The following CHD6 variants were observed in gnomAD, a reference collection of about 807,000 sequenced individuals.
CHD6 encodes the protein chromodomain helicase DNA binding protein 6.
In CHD6, 50 loss-of-function variants were observed where a neutral mutation model predicts 276.9. The ratio of observed to expected loss-of-function variants is 0.18; its 90% CI spans 0.14 to 0.23. The LOEUF (loss-of-function observed/expected upper bound fraction) is 0.23, where lower values mean the gene tolerates loss of function less well. CHD6 is among the 10% of genes least tolerant of loss of function. The pLI is 1.00. For synonymous variants in CHD6, 1,173 were observed against 1,229.3 expected, an observed-to-expected ratio of 0.95 and a Z score of 0.96; for missense variants, 2,564 against 3,365.8, an observed-to-expected ratio of 0.76 and a Z score of 5.89.
At chr20:41,525,843 T>C (rs2044519533) in intron 3 of CHD6, among the ~76,000 whole-genome samples, 1 of 152,224 alleles carries the variant, frequency 6.6e-6, no homozygotes, top group Non-Finnish European at 1.5e-5. Flanking sequence ...TATGCAGTTA[T>C]ATCAGGTTTT....
At chr20:41,530,617 T>C (rs190117457) in intron 3 of CHD6, among the ~76,000 whole-genome samples, 22 of 152,252 alleles carry the variant, frequency 1.4e-4, no homozygotes, top group Admixed American at 7.2e-4. Flanking sequence ...ATATGTAAAA[T>C]TGCTTCTGCC....
chr20:41,409,768 T>C (rs1223613338), intron 36 of CHD6, among the ~76,000 whole-genome samples: 1 of 152,236 alleles, frequency 6.6e-6, no homozygotes, highest in African/African-American at 2.4e-5. Context: ...GCAATAATTA[T>C]GCAGGAAAAT....
At chr20:41,556,459 T>A (rs1041018643) in intron 1 of CHD6, among the ~76,000 whole-genome samples, 5 of 151,856 alleles carry the variant, frequency 3.3e-5, no homozygotes, top group Non-Finnish European at 5.9e-5. Context: ...AGTTCCACTT[T>A]AAGGAATATC....
At chr20:41,554,968 C>T (rs1382986973) in intron 1 of CHD6, among the ~76,000 whole-genome samples, 7 of 150,550 alleles carry the variant, frequency 4.6e-5, no homozygotes, top group African/African-American at 7.3e-5. Flanking sequence ...CGGGCAGAGG[C>T]GCCCCTCACC....
At position 41,592,366 on chromosome 20, in the gene CHD6, A is replaced by C. The variant is rs191828085; in HGVS notation, c.-24+25974T>G. Among the ~76,000 whole-genome samples the C allele has an allele frequency of 2.1e-3, 321 of 152,364 alleles. 2 individuals carry two copies. Among genetic ancestry groups the C allele is most frequent in the Admixed American group, 3.1e-3 (48 of 15,302 alleles). ...CAGAAAACAAAATAGAAAAACTTGGAAAGTTAACACATTTAATTTGCTGGA... is the reference window on the plus strand; with the variant it reads ...CAGAAAACAAAATAGAAAAACTTGGCAAGTTAACACATTTAATTTGCTGGA... On this transcript the variant is annotated intron_variant, in intron 1 of 36. Coordinates refer to ENST00000373233, the MANE Select transcript of CHD6 (RefSeq NM_032221.5).
chr20:41,412,254 C>A lies in CHD6; in HGVS notation c.7141G>T (p.Asp2381Tyr). The change falls in exon 36 of 37, where the codon GAC becomes TAC. Residue 2381 changes from aspartate to tyrosine, a missense_variant. Asp to Tyr is a radical substitution (Grantham distance 160, BLOSUM62 -3). Around this residue, in one of 7 missense-constraint regions of CHD6, gnomAD observed 1,024 missense variants for 1,047.9 expected, o/e 0.98. Coordinates refer to ENST00000373233, the MANE Select transcript of CHD6 (RefSeq NM_032221.5). ...EVPGFGANFS[D>Y]KPKQRRPRCK... ...CGTGGCCTCCTCTGCTTTGGTTTGTCTGAAAAATTCTAGGATGAAAACGGA... is the reference window on the plus strand; with the variant it reads ...CGTGGCCTCCTCTGCTTTGGTTTGTATGAAAAATTCTAGGATGAAAACGGA... 1 of 1,614,104 alleles carries A rather than the reference C, an allele frequency of 6.2e-7. No individual in the cohort carries two copies. The highest frequency in any genetic ancestry group is 8.5e-7 in the Non-Finnish European group (1 of 1,180,012).
chr20:41,600,100 C>CTGTAACATT (rs1357029953), intron 1 of CHD6, among the ~76,000 whole-genome samples: 1 of 152,200 alleles, frequency 6.6e-6, no homozygotes, highest in East Asian at 1.9e-4. Flanking sequence ...GAGCACTTGT[C>CTGTAACATT]TGTAACATTT....
At chr20:41,445,899 G>T in intron 24 of CHD6, 131 bp from the exon 25 acceptor site, 1 of 598,500 alleles carries the variant, frequency 1.7e-6, no homozygotes, top group Non-Finnish European at 3.0e-6. Flanking sequence ...AAGGCTGTGG[G>T]TCATTGTTTC....
chr20:41,497,662 C>T, intron 7 of CHD6, 161 bp from the exon 8 acceptor site: 1 of 636,878 alleles, frequency 1.6e-6, no homozygotes, highest in Non-Finnish European at 2.8e-6. Context: ...CCCTTAAGGG[C>T]AACAACAGAA....
chr20:41,507,430 C>T lies in CHD6; in HGVS notation c.852+5416G>A, dbSNP rs547563136. 5.3e-5 allele frequency among the ~76,000 whole-genome samples: 8 copies of T among 151,040 alleles called. No homozygotes were observed. The East Asian group carries it at 1.2e-3, about 22-fold the overall frequency. On this transcript the variant is annotated intron_variant, in intron 5 of 36. Transcript: ENST00000373233. ...GCACTGTTAAAAAAGAGGGTAAGCA[C>T]TCATGTTAAAGAATCAGTAGTGATC...
chr20:41,610,292 T>C (rs928172341), intron 1 of CHD6, among the ~76,000 whole-genome samples: 1 of 152,120 alleles, frequency 6.6e-6, no homozygotes, highest in Non-Finnish European at 1.5e-5. Flanking sequence ...TATTCCCCAT[T>C]TACAAGTAGA....
In CHD6 at chr20:41,483,290, GC is replaced by G; in HGVS notation, c.2468+18del. 1 of 1,593,260 alleles carries G rather than the reference GC, an allele frequency of 6.3e-7. No homozygotes were observed. The highest frequency in any genetic ancestry group is 8.5e-7 in the Non-Finnish European group (1 of 1,169,940). ...GAACTGTCCCATTGTTGAATGCAGA[GC>G]TTTGACACAAGTCTCACCTTCTCTG... is the stretch of plus-strand genomic sequence containing the variant. On this transcript the variant is annotated intron_variant, in intron 16 of 36. Coordinates refer to ENST00000373233, the MANE Select transcript of CHD6 (RefSeq NM_032221.5).
chr20:41,402,270 A>C lies in CHD6; in HGVS notation c.*2323T>G, dbSNP rs1452787252. ...TGCTCTTGGAAACGTCAAAATAATC[A>C]TAAGAAGCACTTGTGCCTTACAGAG... On this transcript the variant is annotated 3_prime_UTR_variant, in exon 37 of 37. Transcript: ENST00000373233. The C allele has an allele frequency of 4.5e-6, 1 of 223,546 alleles. No homozygotes were observed. The highest frequency in any genetic ancestry group is 6.5e-5 in the East Asian group (1 of 15,386). 13.8% of individuals were successfully genotyped at this position (223,546 alleles called of 1,614,324 possible).
chr20:41,448,984 C>A (rs1189139966), intron 23 of CHD6, among the ~76,000 whole-genome samples: 2 of 151,932 alleles, frequency 1.3e-5, no homozygotes, highest in Non-Finnish European at 2.9e-5. Flanking sequence ...TCACTGCAAC[C>A]TCCCCCTCCT....
chr20:41,615,202 A>AGCCC lies in CHD6; in HGVS notation c.-24+3134_-24+3137dup, dbSNP rs541692892. Among the ~76,000 whole-genome samples, 18 of 152,368 alleles carry AGCCC rather than the reference A, an allele frequency of 1.2e-4. 1 individual carries two copies. The South Asian group carries it at 3.3e-3, about 28-fold the overall frequency. ...AAATTACTTCATTTCTCTGAGCTGC[A>AGCCC]GCCCAGTCTCACGAAGTGGCTATGA... On this transcript the variant is annotated intron_variant, in intron 1 of 36. Transcript: ENST00000373233.
chr20:41,404,806 C>T lies in CHD6; in HGVS notation c.7935G>A (p.Ser2645=), dbSNP rs79519789. Residue 2645 remains serine, a synonymous_variant, in exon 37 of 37, where the codon TCG becomes TCA. Transcript: ENST00000373233. ...TCTGGCTCTCCAGACCTACTATTTC[C>T]GAGTGTCTGGCCTGCTGCATGGCTG... The part of the protein sequence containing the change: ...ALPAMQQARH[S]EIVGLESQKR... 841 of 1,613,422 alleles carry T rather than the reference C, an allele frequency of 5.2e-4. 4 individuals carry two copies. The African/African-American group carries it at 9.9e-3, about 19-fold the overall frequency.
At chr20:41,598,669 G>C (rs958209017) in intron 1 of CHD6, among the ~76,000 whole-genome samples, 1 of 152,178 alleles carries the variant, frequency 6.6e-6, no homozygotes, top group Non-Finnish European at 1.5e-5. Flanking sequence ...CTGTCCTCCA[G>C]GTACCAATGT....
At chr20:41,556,307 C>CGGGAGA (rs11280735) in intron 1 of CHD6, among the ~76,000 whole-genome samples, 29,746 of 108,792 alleles carry the variant, frequency 0.27, 8,177 homozygotes, top group African/African-American at 0.61. Context: ...CGTGGGGAGA[C>CGGGAGA]GGGAGAGGGA....
In CHD6 at chr20:41,534,281, C is replaced by A. The variant is rs546344042; in HGVS notation, c.34-711G>T. ...GGCTTTCTAAGAAGACAGTTACAAT[C>A]ATCTTTGCATGATGGCTTAGAAACA... On this transcript the variant is annotated intron_variant, in intron 2 of 36. Transcript: ENST00000373233. 6.6e-5 allele frequency among the ~76,000 whole-genome samples: 10 copies of A among 152,326 alleles called. 1 individual carries two copies. Among genetic ancestry groups the A allele is most frequent in the African/African-American group, 2.4e-4 (10 of 41,576 alleles).
Sources: gnomAD v4.1 joint callset for allele counts (sites outside exome capture counted in the v4.1 genomes callset) on GRCh38, gnomAD v4.1.1 for gene constraint, gnomAD v4.1.1 regional missense constraint, MANE v1.5 for transcripts, NCBI Gene and HGNC (gene_info 2026-07-23, HGNC 2026-07-21) for gene names.